Variants in TRIM37 observed in about 807,000 individuals in gnomAD.
TRIM37 encodes the protein E3 ubiquitin-protein ligase TRIM37.
TRIM37 carries 80 observed loss-of-function variants against 129.8 expected under a neutral mutation model. That is an observed-to-expected ratio of 0.62 (90% CI 0.51 to 0.74). The LOEUF is 0.74. TRIM37 is among the 30% of genes least tolerant of loss of function. TRIM37 has a pLI of 0.00. For synonymous variants in TRIM37, 389 were observed against 387.1 expected (o/e 1.00, Z -0.06); for missense variants, 1,054 against 1,176.5 (o/e 0.90, Z 1.52).
intron 24 of TRIM37, among the ~76,000 whole-genome samples, chr17:58,988,793 T>A (rs999852199): frequency 6.6e-6 from 1 of 152,044 alleles, no homozygotes; most frequent in Admixed American, 6.6e-5. Context: ...AAATACAAGG[T>A]ATCATCACAG....
rs908773382 is a variant in TRIM37, at chr17:59,046,639, C to G, written c.1667+1044G>C. Among the ~76,000 whole-genome samples the G allele has an allele frequency of 2.6e-5, 4 of 151,618 alleles. 1 individual carries two copies. The highest frequency in any genetic ancestry group is 4.4e-5 in the Non-Finnish European group (3 of 67,914). ...GCAAGCTCCGCCTCCCGGGTTCACC[C>G]CATTCTCCTGCCTCAGCCTACCAAG... is the stretch of plus-strand genomic sequence containing the variant. On this transcript the variant is annotated intron_variant, in intron 16 of 23. Transcript: ENST00000262294.
At chr17:59,003,990 T>A (rs1347124579) in intron 22 of TRIM37, among the ~76,000 whole-genome samples, 1 of 151,480 alleles carries the variant, frequency 6.6e-6, no homozygotes, top group Non-Finnish European at 1.5e-5. Flanking sequence ...CCTGTAATTG[T>A]CCTAGCTACT....
intron 24 of TRIM37, chr17:58,985,103 TA>T (rs2031675082): frequency 6.5e-6 from 1 of 152,684 alleles, no homozygotes; most frequent in Non-Finnish European, 1.5e-5. Context: ...CATATTTTAT[TA>T]AAAGTGTTCA....
chr17:59,051,182 A>C, intron 14 of TRIM37, 32 bp downstream of exon 14: 1 of 1,399,622 alleles, frequency 7.1e-7, no homozygotes, highest in Non-Finnish European at 1.0e-6. Context: ...GGACAATAGG[A>C]AACACCAAAA....
At chr17:59,075,811 T>G in intron 7 of TRIM37, 97 bp from the exon 8 acceptor site, 2 of 949,684 alleles carry the variant, frequency 2.1e-6, no homozygotes, top group South Asian at 1.4e-5. Context: ...AGAAATACAC[T>G]TCAAGTAAGC....
chr17:59,061,024 C>A lies in TRIM37; in HGVS notation c.1019+8G>T. ...ACATTAAGGTTGTTATTTAATTACACTTCTTACTTAGAAGTTTCAGGCAAG... is the reference window on the plus strand; with the variant it reads ...ACATTAAGGTTGTTATTTAATTACAATTCTTACTTAGAAGTTTCAGGCAAG... On this transcript the variant is annotated splice_region_variant and intron_variant, in intron 12 of 23. Coordinates refer to ENST00000262294, the MANE Select transcript of TRIM37 (RefSeq NM_015294.6). 1.2e-6 allele frequency: 2 copies of A among 1,610,814 alleles called. No individual in the cohort carries two copies. The highest frequency in any genetic ancestry group is 1.7e-6 in the Non-Finnish European group (2 of 1,177,252).
At chr17:59,084,140 C>T (rs1219849619) in intron 4 of TRIM37, 51 bp from the exon 5 acceptor site, 1 of 1,408,226 alleles carries the variant, frequency 7.1e-7, no homozygotes, top group East Asian at 2.3e-5. Flanking sequence ...GGAACATAAT[C>T]ACCTCCACAA....
intron 17 of TRIM37, among the ~76,000 whole-genome samples, chr17:59,039,884 TATTATTTTTC>T (rs1178739624): frequency 6.6e-6 from 1 of 152,090 alleles, no homozygotes; most frequent in East Asian, 1.9e-4. Flanking sequence ...CATGATTAGA[TATTATTTTTC>T]ATTATTTTTA....
chr17:59,069,823 A>G (rs2042217212), intron 9 of TRIM37, among the ~76,000 whole-genome samples: 1 of 152,200 alleles, frequency 6.6e-6, no homozygotes, highest in Admixed American at 6.5e-5. Flanking sequence ...TGTCCTCATA[A>G]AAAGAGAAAG....
At chr17:58,972,246 C>T in the TRIM37 span, 12 of 1,614,058 alleles carry the variant, frequency 7.4e-6, no homozygotes, top group Middle Eastern at 1.7e-4. Context: ...AGCTGTTGAA[C>T]TAATGAAGCC....
chr17:58,974,709 C>T, the TRIM37 span, among the ~76,000 whole-genome samples: 3 of 152,240 alleles, frequency 2.0e-5, no homozygotes, highest in South Asian at 6.2e-4. Flanking sequence ...GGTTGGAATT[C>T]ACATCTAGTC....
the TRIM37 span, among the ~76,000 whole-genome samples, chr17:58,968,958 A>G: frequency 2.0e-5 from 3 of 152,210 alleles, no homozygotes; most frequent in Non-Finnish European, 4.4e-5. Flanking sequence ...ATGCTGTGCT[A>G]TTTGTGGTGA....
rs2033199489 is a variant in TRIM37 at position 58,998,248 on chromosome 17, C to T, written c.*1129G>A. On this transcript the variant is annotated 3_prime_UTR_variant, in exon 24 of 24. Coordinates refer to ENST00000262294, the MANE Select transcript of TRIM37 (RefSeq NM_015294.6). ...AACAAAAAGTGCAAACTATTTTGAACAAAAGTAAACTATGAGTCACAGCAT... is the reference window on the plus strand; with the variant it reads ...AACAAAAAGTGCAAACTATTTTGAATAAAAGTAAACTATGAGTCACAGCAT... 1 of 985,370 alleles carries T rather than the reference C, an allele frequency of 1.0e-6. No individual in the cohort carries two copies. Among genetic ancestry groups the T allele is most frequent in the Non-Finnish European group, 1.2e-6 (1 of 829,914 alleles). The allele number at this position is 985,370 out of a possible 1,614,324, so 61.0% of individuals were successfully genotyped here.
At chr17:58,982,891 C>G in exon 25 of TRIM37, 1 of 1,570,880 alleles carries the variant, frequency 6.4e-7, no homozygotes. Flanking sequence ...GTTAACCCAT[C>G]AGGTGCAGTG....
intron 24 of TRIM37, among the ~76,000 whole-genome samples, chr17:58,989,027 A>G (rs987662177): frequency 1.3e-5 from 2 of 152,174 alleles, no homozygotes; most frequent in Non-Finnish European, 2.9e-5. Flanking sequence ...AAAACTATTC[A>G]CCAAAGTATC....
chr17:59,062,483 T>C, intron 11 of TRIM37, 84 bp downstream of exon 11: 1 of 1,089,672 alleles, frequency 9.2e-7, no homozygotes. Flanking sequence ...GAGTTAACAG[T>C]TCTCAGTAAT....
downstream of TRIM37, chr17:58,980,041 C>T (rs777297413): frequency 1.1e-5 from 18 of 1,613,918 alleles, no homozygotes; most frequent in Middle Eastern, 1.6e-4. The surrounding 1 kb of genome is among the most constrained non-coding windows in gnomAD (Gnocchi z 4.7). Context: ...TGGATGGGAC[C>T]GAAGACTACC....
chr17:59,063,475 G>A (rs752981046), intron 10 of TRIM37, among the ~76,000 whole-genome samples: 2 of 152,168 alleles, frequency 1.3e-5, no homozygotes, highest in Non-Finnish European at 2.9e-5. Flanking sequence ...ACCATGCCCT[G>A]CCCAGTGTGG....
At chr17:59,057,601 G>A (rs2041077333) in intron 12 of TRIM37, among the ~76,000 whole-genome samples, 1 of 152,154 alleles carries the variant, frequency 6.6e-6, no homozygotes. Flanking sequence ...TCAGCTCACT[G>A]CAACCTCTGC....
Sources: allele counts gnomAD v4.1 joint callset (sites outside exome capture counted in the v4.1 genomes callset), GRCh38; gene constraint gnomAD v4.1.1; non-coding constraint Gnocchi (gnomAD v3.1); transcripts MANE v1.5; gene names NCBI Gene and HGNC (gene_info 2026-07-23, HGNC 2026-07-21).